Variants in SLC4A11 observed in about 807,000 individuals in gnomAD.
SLC4A11 encodes the protein solute carrier family 4 member 11, also known as bicarbonate transporter related protein 1.
Under a neutral mutation model 95.0 loss-of-function variants are expected in SLC4A11, and 74 were observed. The observed-to-expected ratio is 0.78, with a 90% CI of 0.65 to 0.95. The LOEUF is 0.95. SLC4A11 is among the 40% of genes least tolerant of loss of function. The pLI is 0.00. For missense variants in SLC4A11, 1,081 were observed against 1,192.4 expected, an observed-to-expected ratio of 0.91 and a Z score of 1.38; for synonymous variants, 548 against 519.0, an observed-to-expected ratio of 1.06 and a Z score of -0.76.
Position 3,234,386 on chromosome 20 carries a change from C to G in SLC4A11, c.292-72G>C, listed in dbSNP as rs1334693851. Reference sequence around the variant, plus strand: ...GCTGTCACTGCCTGGTCCCTCCCTCCCAGCCAGCCGCAGCAGTCCAGCCCC... The same window carrying G: ...GCTGTCACTGCCTGGTCCCTCCCTCGCAGCCAGCCGCAGCAGTCCAGCCCC... On this transcript the variant is annotated intron_variant, in intron 4 of 19. Transcript: ENST00000642402. The surrounding 1 kb of genome is among the most constrained non-coding windows in gnomAD (Gnocchi z 5.8). 3 of 1,540,306 alleles carry G rather than the reference C, an allele frequency of 1.9e-6. No homozygotes were observed. The African/African-American group carries it at 4.1e-5, about 21-fold the overall frequency.
rs750109559 is a variant in SLC4A11, at chr20:3,228,261, G to T, written c.2556C>A (p.Ile852=). The part of the protein sequence containing the change: ...FPLIMIAMIP[I]RYILLPRIIE... ...GCCCACTGCCCACCCGCCTGTACCG[G>T]ATGGGGATCATGGCGATCATGATGA... The change falls in exon 19 of 20, where the codon ATC becomes ATA. Residue 852 remains isoleucine (I), a splice_region_variant and synonymous_variant. Transcript: ENST00000642402. 1.2e-6 allele frequency: 2 copies of T among 1,612,374 alleles called. No homozygotes were observed. Among genetic ancestry groups the T allele is most frequent in the South Asian group, 2.2e-5 (2 of 91,034 alleles).
In SLC4A11 at chr20:3,229,709, G is replaced by A. The variant is rs199675061; in HGVS notation, c.1557C>T (p.Val519=). The change falls in exon 14 of 20, where the codon GTC becomes GTT. Residue 519 remains valine, a synonymous_variant. Coordinates refer to ENST00000642402, the MANE Select transcript of SLC4A11 (RefSeq NM_001174089.2). ...GGCTGGCGCCGAGGCCTGACAGGCT[G>A]ACAAGGGATGAAGTCCTTTTTGTGT... ...DYHTKRTSSL[V]SLSGLGASLN... 30 of 1,613,890 alleles carry A rather than the reference G, an allele frequency of 1.9e-5. No homozygotes were observed. The highest frequency in any genetic ancestry group is 2.3e-5 in the Non-Finnish European group (27 of 1,180,010).
chr20:3,232,661 T>C (rs754468065), intron 7 of SLC4A11, among the ~76,000 whole-genome samples: 5 of 152,130 alleles, frequency 3.3e-5, no homozygotes, highest in East Asian at 1.9e-4. Context: ...TGCAGTGAGC[T>C]GAGATCACAC....
At chr20:3,236,668 G>T (rs1017288703) in intron 2 of SLC4A11, among the ~76,000 whole-genome samples, 1 of 152,072 alleles carries the variant, frequency 6.6e-6, no homozygotes, top group South Asian at 2.1e-4. Context: ...CTTCCTCCCC[G>T]GGTCAGGCTT....
chr20:3,229,060 G>GGGCCCCCCCCCCCCCCCCCCCCCCCCCCC, intron 16 of SLC4A11, 35 bp downstream of exon 16: 4 of 1,541,986 alleles, frequency 2.6e-6, no homozygotes, highest in Non-Finnish European at 3.5e-6. Flanking sequence ...AGAGGCCCGG[G>GGGCCCCCCCCCCCCCCCCCCCCCCCCCCC]CCCCGCCCAC....
chr20:3,238,462 G>C, intron 1 of SLC4A11: 1 of 1,022,684 alleles, frequency 9.8e-7, no homozygotes, highest in Non-Finnish European at 1.2e-6. Context: ...CCCAGGCCGT[G>C]GGCGACGAGG....
intron 12 of SLC4A11, 78 bp downstream of exon 12, chr20:3,230,437 C>T: frequency 2.5e-6 from 4 of 1,609,166 alleles, no homozygotes; most frequent in Admixed American, 3.3e-5. Context: ...GGGGCACCCC[C>T]ACCACCCTGG....
At chr20:3,237,368 C>A (rs2068013460) in intron 2 of SLC4A11, among the ~76,000 whole-genome samples, 176 bp downstream of exon 2, 1 of 150,782 alleles carries the variant, frequency 6.6e-6, no homozygotes, top group Non-Finnish European at 1.5e-5. Context: ...CTCAGGTCCA[C>A]GGGGGATCCG....
chr20:3,230,677 C>T (rs372353976), intron 11 of SLC4A11, 30 bp from the exon 12 acceptor site: 5 of 1,613,016 alleles, frequency 3.1e-6, no homozygotes, highest in Admixed American at 1.7e-5. Flanking sequence ...CGGGTCAGGG[C>T]CCGGCAGGAA....
Position 3,234,506 on chromosome 20 carries a change from G to A in SLC4A11, c.291+62C>T, listed in dbSNP as rs2122606461. 2 of 1,606,100 alleles carry A rather than the reference G, an allele frequency of 1.2e-6. No homozygotes were observed. The highest frequency in any genetic ancestry group is 3.3e-5 in the Admixed American group (2 of 60,004). On this transcript the variant is annotated intron_variant, in intron 4 of 19. Coordinates refer to ENST00000642402, the MANE Select transcript of SLC4A11 (RefSeq NM_001174089.2). This position sits in a 1 kb window ranked among gnomAD's most constrained non-coding sequence, Gnocchi z 5.8. ...GGGGAGCAGCGGGAGGATTCTCAGG[G>A]AAGCCATCACCTCAGCCCCCAGGTA... is the stretch of plus-strand genomic sequence containing the variant.
Position 3,234,156 on chromosome 20 carries a change from A to G in SLC4A11, c.450T>C (p.Asn150=), listed in dbSNP as rs761033952. The change falls in exon 5 of 20, where the codon AAT becomes AAC. Residue 150 remains asparagine, a synonymous_variant. Coordinates refer to ENST00000642402, the MANE Select transcript of SLC4A11 (RefSeq NM_001174089.2). This position sits in a 1 kb window ranked among gnomAD's most constrained non-coding sequence, Gnocchi z 5.8. The part of the protein sequence containing the change: ...LRRFARDPDN[N]EPNCNLDLLM... ...GCAGGTCCAGGTTGCAGTTGGGCTC[A>G]TTGTTGTCAGGGTCCCTGGCGAAGC... 5.0e-6 allele frequency: 8 copies of G among 1,613,394 alleles called. No individual in the cohort carries two copies. The South Asian group carries it at 7.7e-5, about 16-fold the overall frequency.
Position 3,229,208 on chromosome 20 carries a change from C to G in SLC4A11, c.1905G>C (p.Gln635His). 2 of 1,612,776 alleles carry G rather than the reference C, an allele frequency of 1.2e-6. No individual in the cohort carries two copies. The change falls in exon 16 of 20, where the codon CAG becomes CAC. Residue 635 changes from glutamine (Q) to histidine (H), a missense_variant. Around this residue, in one of 3 missense-constraint regions of SLC4A11, gnomAD observed 767 missense variants for 858.0 expected, o/e 0.89. Transcript: ENST00000642402. The stretch of plus-strand genomic sequence containing the variant: ...CGCTGACGGCCCTCAGGGACAGCGA[C>G]TGGATCTGCGCCATCGCAAAGGGGC... ...SESPFAMAQI[Q>H]SLSLRAVSGA...
rs770268520 is a variant in SLC4A11 at position 3,234,270 on chromosome 20, G to A, written c.336C>T (p.Arg112=). The A allele has an allele frequency of 1.6e-5, 26 of 1,613,940 alleles. No homozygotes were observed. Among genetic ancestry groups the A allele is most frequent in the Non-Finnish European group, 2.2e-5 (26 of 1,180,028 alleles). Reference sequence around the variant, plus strand: ...CCTGCGCCAGGAAGCCATCTAGGTCGCGGTGCGCACGGATCTCTTCCTTGA... The same window carrying A: ...CCTGCGCCAGGAAGCCATCTAGGTCACGGTGCGCACGGATCTCTTCCTTGA... The part of the protein sequence containing the change: ...KNFKEEIRAH[R]DLDGFLAQAS... The change falls in exon 5 of 20, where the codon CGC becomes CGT. Residue 112 remains arginine (R), a synonymous_variant. Transcript: ENST00000642402. This position sits in a 1 kb window ranked among gnomAD's most constrained non-coding sequence, Gnocchi z 5.8.
chr20:3,228,913 T>A lies in SLC4A11; in HGVS notation c.2117A>T (p.Tyr706Phe). 6.2e-7 allele frequency: 1 copy of A among 1,613,460 alleles called. No individual in the cohort carries two copies. Among genetic ancestry groups the A allele is most frequent in the East Asian group, 2.2e-5 (1 of 44,852 alleles). ...TCGCACGTGCAGCGGGGAGTGGGGG[T>A]AGGCGGCATGGATCCAAGGCAGCCC... is the stretch of plus-strand genomic sequence containing the variant. ...LFGLPWIHAA[Y>F]PHSPLHVRAL... The change falls in exon 17 of 20, where the codon TAC becomes TTC. Residue 706 changes from tyrosine to phenylalanine, a missense_variant. Physicochemically the swap from Tyr to Phe is conservative, Grantham distance 22. Around this residue, in one of 3 missense-constraint regions of SLC4A11, gnomAD observed 767 missense variants for 858.0 expected, o/e 0.89. Coordinates refer to ENST00000642402, the MANE Select transcript of SLC4A11 (RefSeq NM_001174089.2).
Position 3,231,121 on chromosome 20 carries a change from C to T in SLC4A11, c.1042+28G>A. On this transcript the variant is annotated intron_variant, in intron 9 of 19. Coordinates refer to ENST00000642402, the MANE Select transcript of SLC4A11 (RefSeq NM_001174089.2). The surrounding 1 kb of genome is among the most constrained non-coding windows in gnomAD (Gnocchi z 5.2). ...TGCAGGACAGGCACACGTGTGGGCC[C>T]AAGGCCTGGAAAGCAGAGGCCACGT... is the stretch of plus-strand genomic sequence containing the variant. The T allele has an allele frequency of 1.2e-6, 2 of 1,614,130 alleles. No individual in the cohort carries two copies. The highest frequency in any genetic ancestry group is 2.7e-5 in the African/African-American group (2 of 75,044).
In SLC4A11 at chr20:3,229,653, G is replaced by A. The variant is rs1332202964; in HGVS notation, c.1613C>T (p.Ala538Val). The A allele has an allele frequency of 6.2e-7, 1 of 1,613,676 alleles. No individual in the cohort carries two copies. The highest frequency in any genetic ancestry group is 8.5e-7 in the Non-Finnish European group (1 of 1,179,996). Residue 538 changes from alanine (A) to valine (V), a missense_variant, in exon 14 of 20, where the codon GCC becomes GTC. Physicochemically the swap from Ala to Val is moderately conservative, Grantham distance 64. Around this residue, in one of 3 missense-constraint regions of SLC4A11, gnomAD observed 767 missense variants for 858.0 expected, o/e 0.89. Coordinates refer to ENST00000642402, the MANE Select transcript of SLC4A11 (RefSeq NM_001174089.2). The part of the protein sequence containing the change: ...LNASLHTALN[A>V]SFLASPTELP... ...CTCCGTGGGGCTGGCGAGGAAGCTG[G>A]CGTTGAGGGCAGTGTGGAGGCTGGC... is the stretch of plus-strand genomic sequence containing the variant.
Position 3,234,785 on chromosome 20 carries a change from A to G in SLC4A11, c.198T>C (p.Arg66=). ...NSSIVSGESI[R]FFVNVNLEMQ... is the part of the protein sequence containing the mutation. ...TCTCAAGGTTGACATTGACAAAAAAACGGATACTCTCGCCAGACACGATGG... is the reference window on the plus strand; with the variant it reads ...TCTCAAGGTTGACATTGACAAAAAAGCGGATACTCTCGCCAGACACGATGG... The change falls in exon 3 of 20, where the codon CGT becomes CGC. Residue 66 remains arginine, a synonymous_variant. Coordinates refer to ENST00000642402, the MANE Select transcript of SLC4A11 (RefSeq NM_001174089.2). This position sits in a 1 kb window ranked among gnomAD's most constrained non-coding sequence, Gnocchi z 5.8. 1 of 1,613,988 alleles carries G rather than the reference A, an allele frequency of 6.2e-7. No homozygotes were observed. The highest frequency in any genetic ancestry group is 8.5e-7 in the Non-Finnish European group (1 of 1,179,998).
At chr20:3,239,192 G>T (rs1169051376), upstream of SLC4A11, 112 of 1,391,236 alleles carry the variant, frequency 8.1e-5, no homozygotes, top group Non-Finnish European at 1.0e-4. Flanking sequence ...GGCGCTTCTG[G>T]ACCCCAAACT....
Position 3,228,936 on chromosome 20 carries a change from C to T in SLC4A11, c.2094G>A (p.Gly698=). 1.2e-6 allele frequency: 2 copies of T among 1,613,938 alleles called. No homozygotes were observed. The highest frequency in any genetic ancestry group is 1.7e-6 in the Non-Finnish European group (2 of 1,179,996). Residue 698 remains glycine (G), a synonymous_variant, in exon 17 of 20, where the codon GGG becomes GGA. Transcript: ENST00000642402. ...AIINTGLSLF[G]LPWIHAAYPH... is the part of the protein sequence containing the mutation. ...GGTAGGCGGCATGGATCCAAGGCAG[C>T]CCAAACAGAGACAGCCCTGTGTTGA...
Sources: allele counts gnomAD v4.1 joint callset (sites outside exome capture counted in the v4.1 genomes callset), GRCh38; gene constraint gnomAD v4.1.1; regional missense constraint gnomAD v4.1.1; non-coding constraint Gnocchi (gnomAD v3.1); transcripts MANE v1.5; gene names NCBI Gene and HGNC (gene_info 2026-07-23, HGNC 2026-07-21).